The following PTPRO variants were observed in gnomAD, a reference collection of about 807,000 sequenced individuals.
PTPRO encodes the protein receptor-type tyrosine-protein phosphatase O.
PTPRO carries 62 observed loss-of-function variants against 145.2 expected under a neutral mutation model. The ratio of observed to expected loss-of-function variants is 0.43; its 90% CI spans 0.35 to 0.53. The LOEUF is 0.53. Among genes scored for constraint, PTPRO ranks in the 20% least tolerant of loss-of-function variants. The pLI is 0.01. For missense variants in PTPRO, 1,345 were observed against 1,482.7 expected (o/e 0.91, Z 1.53); for synonymous variants, 565 against 514.7 (o/e 1.10, Z -1.32).
chr12:15,574,854 C>T (rs1322151248), intron 19 of PTPRO, among the ~76,000 whole-genome samples: 1 of 152,142 alleles, frequency 6.6e-6, no homozygotes, highest in African/African-American at 2.4e-5. Flanking sequence ...AAAGCAAACA[C>T]CGAAAGCAAA....
At chr12:15,496,154 T>TTTTTTTTTTTG (rs1942101504) in intron 2 of PTPRO, among the ~76,000 whole-genome samples, 1 of 141,888 alleles carries the variant, frequency 7.0e-6, no homozygotes. Context: ...TTTTTTTTTT[T>TTTTTTTTTTTG]TTTTTTTTTT....
intron 1 of PTPRO, chr12:15,439,801 C>T (rs1940707055): frequency 9.8e-6 from 6 of 611,992 alleles, no homozygotes; most frequent in South Asian, 9.3e-5. Flanking sequence ...AATCAGATAT[C>T]ATTGACTTTT....
intron 1 of PTPRO, among the ~76,000 whole-genome samples, chr12:15,342,519 G>C (rs546410765): frequency 6.6e-6 from 1 of 152,318 alleles, no homozygotes; most frequent in East Asian, 1.9e-4. Flanking sequence ...GTAGGTAAAA[G>C]TGATTACATA....
At chr12:15,548,664 A>C (rs930775190) in intron 13 of PTPRO, among the ~76,000 whole-genome samples, 3 of 152,174 alleles carry the variant, frequency 2.0e-5, no homozygotes, top group African/African-American at 7.2e-5. Context: ...ACCGGGGCTC[A>C]TTAAATAAAT....
At chr12:15,591,606 T>G (rs1161207634) in intron 25 of PTPRO, among the ~76,000 whole-genome samples, 2 of 152,208 alleles carry the variant, frequency 1.3e-5, no homozygotes, top group Non-Finnish European at 1.5e-5. Context: ...TTTATTTGTT[T>G]ATGCCAGCAT....
In PTPRO at chr12:15,541,947, T is replaced by G. The variant is rs906639700; in HGVS notation, c.2165-4622T>G. ...GATCGCTTGAATCTGGGAGGTGGAG[T>G]TTGCAGTGAGCCAAGATCATGCCAC... On this transcript the variant is annotated intron_variant, in intron 12 of 26. Transcript: ENST00000281171. 9.2e-5 allele frequency among the ~76,000 whole-genome samples: 14 copies of G among 151,430 alleles called. No individual in the cohort carries two copies. The East Asian group carries it at 2.7e-3, about 29-fold the overall frequency.
intron 3 of PTPRO, among the ~76,000 whole-genome samples, chr12:15,499,204 G>A (rs1224153627): frequency 6.6e-6 from 1 of 152,060 alleles, no homozygotes; most frequent in Non-Finnish European, 1.5e-5. Flanking sequence ...TCACAAAAAG[G>A]TTAACTCCAA....
In PTPRO at chr12:15,597,456, C is replaced by T. The variant is rs570661178; in HGVS notation, c.*1383C>T. 19 of 152,324 alleles carry T rather than the reference C, an allele frequency of 1.2e-4. No homozygotes were observed. The highest frequency in any genetic ancestry group is 4.6e-4 in the African/African-American group (19 of 41,556). 9.4% of individuals were successfully genotyped at this position (152,324 alleles called of 1,614,324 possible). A position where few individuals can be genotyped will look rare whatever the true frequency, so the allele number is the denominator to read the frequency against. ...GAGGCTTTGCTCCTCTTCATGCACC[C>T]GACACTGCCCCTTCCCTGGCTTCCC... On this transcript the variant is annotated 3_prime_UTR_variant, in exon 27 of 27. Coordinates refer to ENST00000281171, the MANE Select transcript of PTPRO (RefSeq NM_030667.3).
intron 1 of PTPRO, among the ~76,000 whole-genome samples, chr12:15,451,025 A>G (rs1941032467): frequency 6.6e-6 from 1 of 152,254 alleles, no homozygotes; most frequent in South Asian, 2.1e-4. Flanking sequence ...TGCTCCACTT[A>G]AAAGATACAG....
Position 15,534,194 on chromosome 12 carries a change from A to G in PTPRO, c.2164+7932A>G, listed in dbSNP as rs528293813. Among the ~76,000 whole-genome samples the G allele has an allele frequency of 3.9e-5, 6 of 152,242 alleles. No individual in the cohort carries two copies. The South Asian group carries it at 1.2e-3, about 32-fold the overall frequency. On this transcript the variant is annotated intron_variant, in intron 12 of 26. Transcript: ENST00000281171. The stretch of plus-strand genomic sequence containing the variant: ...GTCCCTTTGACAGTCAGTCATTACT[A>G]TCTTCTAGTCTTGGTGAATCAACCT...
chr12:15,381,848 T>C (rs1472955886), intron 1 of PTPRO, among the ~76,000 whole-genome samples: 1 of 152,128 alleles, frequency 6.6e-6, no homozygotes, highest in African/African-American at 2.4e-5. Context: ...GAAAAATGTT[T>C]TTCCGTATTT....
At chr12:15,427,254 A>T (rs975314461) in intron 1 of PTPRO, among the ~76,000 whole-genome samples, 2 of 152,016 alleles carry the variant, frequency 1.3e-5, no homozygotes, top group Non-Finnish European at 2.9e-5. Flanking sequence ...TAACTTTTCT[A>T]TTAAATGTAT....
intron 6 of PTPRO, among the ~76,000 whole-genome samples, chr12:15,507,886 T>A (rs191319207): frequency 1.9e-4 from 29 of 152,328 alleles, no homozygotes; most frequent in African/African-American, 7.0e-4. Context: ...TTTCTGTAGA[T>A]AATAATCACC....
intron 1 of PTPRO, among the ~76,000 whole-genome samples, chr12:15,369,210 C>A (rs888584749): frequency 3.9e-5 from 6 of 152,078 alleles, no homozygotes; most frequent in African/African-American, 7.2e-5. Context: ...TAATCTGGAA[C>A]AAGAAGGAAC....
At position 15,580,752 on chromosome 12, in the gene PTPRO, G is replaced by C. The variant is rs1214450739; in HGVS notation, c.3053G>C (p.Arg1018Thr). 1 of 1,613,960 alleles carries C rather than the reference G, an allele frequency of 6.2e-7. No homozygotes were observed. Among genetic ancestry groups the C allele is most frequent in the South Asian group, 1.1e-5 (1 of 91,082 alleles). ...IATQGPLPET[R>T]NDFWKMVLQQ... The stretch of plus-strand genomic sequence containing the variant: ...ACCCAGGGGCCACTGCCTGAAACCA[G>C]AAATGACTTCTGGAAGATGGTCCTG... The change falls in exon 22 of 27, where the codon AGA (arginine) becomes ACA (threonine). Residue 1018 changes from arginine to threonine, a missense_variant. Arg to Thr is a moderately conservative substitution (Grantham distance 71). Coordinates refer to ENST00000281171, the MANE Select transcript of PTPRO (RefSeq NM_030667.3).
intron 2 of PTPRO, among the ~76,000 whole-genome samples, chr12:15,489,184 T>C (rs1941950152): frequency 6.6e-6 from 1 of 151,898 alleles, no homozygotes; most frequent in African/African-American, 2.4e-5. Context: ...AAGAGACAAA[T>C]AAAAACCATT....
intron 23 of PTPRO, among the ~76,000 whole-genome samples, chr12:15,583,385 G>A (rs1178064245): frequency 7.2e-5 from 11 of 151,850 alleles, no homozygotes; most frequent in African/African-American, 2.4e-4. Context: ...AGGCTGAGGT[G>A]GGGGAATCAC....
At chr12:15,539,581 G>C (rs772598350) in intron 12 of PTPRO, among the ~76,000 whole-genome samples, 1 of 151,786 alleles carries the variant, frequency 6.6e-6, no homozygotes, top group Admixed American at 6.6e-5. Flanking sequence ...GCGCAACATG[G>C]TGAAACCCTG....
At chr12:15,469,057 C>A (rs1941480158) in intron 1 of PTPRO, among the ~76,000 whole-genome samples, 1 of 152,192 alleles carries the variant, frequency 6.6e-6, no homozygotes, top group Non-Finnish European at 1.5e-5. Flanking sequence ...GTAGGCTGCA[C>A]TCTTGTTAGC....
Sources: allele counts gnomAD v4.1 joint callset (sites outside exome capture counted in the v4.1 genomes callset), GRCh38; gene constraint gnomAD v4.1.1; transcripts MANE v1.5; gene names NCBI Gene and HGNC (gene_info 2026-07-23, HGNC 2026-07-21).